Variants in UEVLD observed in about 807,000 individuals in gnomAD.
The protein encoded by UEVLD is ubiquitin-conjugating enzyme E2 variant 3.
UEVLD carries 47 observed loss-of-function variants against 58.6 expected under a neutral mutation model. The observed-to-expected ratio is 0.80, with a 90% CI of 0.63 to 1.02. The LOEUF (loss-of-function observed/expected upper bound fraction) is 1.02. Ranked by LOEUF, UEVLD falls within the 50% of genes least tolerant of loss-of-function variation. The pLI, the probability that UEVLD is intolerant of heterozygous loss-of-function variation, is 0.00. For synonymous variants in UEVLD, 197 were observed against 195.3 expected (o/e 1.01, Z -0.07); for missense variants, 510 against 550.6 (o/e 0.93, Z 0.74).
intron 6 of UEVLD, among the ~76,000 whole-genome samples, chr11:18,562,252 T>C (rs1420754791): frequency 6.6e-6 from 1 of 151,978 alleles, no homozygotes; most frequent in Admixed American, 6.6e-5. Context: ...TAATTTTTAA[T>C]TTTTGTAGGG....
At chr11:18,568,151 AAG>A (rs1852392550) in intron 4 of UEVLD, among the ~76,000 whole-genome samples, 1 of 152,214 alleles carries the variant, frequency 6.6e-6, no homozygotes, top group Non-Finnish European at 1.5e-5. Context: ...GTCTCAAAAA[AAG>A]AGACTAGTTT....
At chr11:18,537,657 A>ATATTATTAT (rs35960383) in intron 9 of UEVLD, among the ~76,000 whole-genome samples, 2 of 150,142 alleles carry the variant, frequency 1.3e-5, no homozygotes, top group Non-Finnish European at 3.0e-5. Context: ...TCACACTTTA[A>ATATTATTAT]TATTATTATT....
chr11:18,557,238 G>A (rs1374599553), intron 7 of UEVLD, among the ~76,000 whole-genome samples: 5 of 151,788 alleles, frequency 3.3e-5, no homozygotes, highest in Non-Finnish European at 7.4e-5. Flanking sequence ...TGCAAACTCC[G>A]CATCCCGGGT....
intron 1 of UEVLD, among the ~76,000 whole-genome samples, chr11:18,585,193 C>T (rs1853482635): frequency 6.6e-6 from 1 of 152,124 alleles, no homozygotes; most frequent in Admixed American, 6.6e-5. Context: ...ACCTGGCTGC[C>T]TCTTCACTTT....
At chr11:18,566,506 A>G in intron 4 of UEVLD, 24 bp from the exon 5 acceptor site, 2 of 1,607,406 alleles carry the variant, frequency 1.2e-6, no homozygotes, top group South Asian at 1.1e-5. Context: ...AAAAAACAGA[A>G]AAGTTACACA....
chr11:18,553,560 T>C (rs1851625932), intron 7 of UEVLD, among the ~76,000 whole-genome samples: 1 of 151,930 alleles, frequency 6.6e-6, no homozygotes, highest in Admixed American at 6.6e-5. Context: ...AAAAAACTGG[T>C]ACATGAATGT....
chr11:18,568,991 T>C (rs1357163725), intron 4 of UEVLD, among the ~76,000 whole-genome samples: 1 of 151,916 alleles, frequency 6.6e-6, no homozygotes, highest in Non-Finnish European at 1.5e-5. Flanking sequence ...ACCTTCTGAG[T>C]TCACACCATT....
At chr11:18,542,895 T>TTTTTTTTTTTTTTTTTTTTTTTTA (rs1851119612) in intron 9 of UEVLD, among the ~76,000 whole-genome samples, 1 of 146,324 alleles carries the variant, frequency 6.8e-6, no homozygotes, top group African/African-American at 2.5e-5. Flanking sequence ...CTTTTCTTTT[T>TTTTTTTTTTTTTTTTTTTTTTTTA]TTTTTTTTTT....
intron 4 of UEVLD, among the ~76,000 whole-genome samples, chr11:18,568,565 C>T (rs1447802494): frequency 1.3e-5 from 2 of 152,104 alleles, no homozygotes; most frequent in African/African-American, 2.4e-5. Context: ...TTTTATTATG[C>T]CCCATTCATC....
At chr11:18,561,528 C>T (rs561245011) in intron 6 of UEVLD, among the ~76,000 whole-genome samples, 3 of 148,382 alleles carry the variant, frequency 2.0e-5, no homozygotes, top group East Asian at 4.0e-4. Flanking sequence ...ACCCGGGAGG[C>T]AGAGGTTGTG....
chr11:18,532,203 C>T lies in UEVLD; in HGVS notation c.*117G>A. 1 of 977,578 alleles carries T rather than the reference C, an allele frequency of 1.0e-6. No homozygotes were observed. Among genetic ancestry groups the T allele is most frequent in the Non-Finnish European group, 1.4e-6 (1 of 695,868 alleles). 60.6% of individuals were successfully genotyped at this position (977,578 alleles called of 1,614,324 possible). Reference sequence around the variant, plus strand: ...TAATCAAGAAACCCTCTACTTTAACCAAGCAGTTTGTAAAAGTAAGTAGCA... The same window carrying T: ...TAATCAAGAAACCCTCTACTTTAACTAAGCAGTTTGTAAAAGTAAGTAGCA... On this transcript the variant is annotated 3_prime_UTR_variant, in exon 12 of 12. Transcript: ENST00000396197.
At chr11:18,583,367 C>T (rs989476832) in intron 1 of UEVLD, among the ~76,000 whole-genome samples, 1 of 151,282 alleles carries the variant, frequency 6.6e-6, no homozygotes, top group African/African-American at 2.4e-5. Flanking sequence ...ATTACAGGCA[C>T]CCGCCACCAT....
At chr11:18,561,102 T>C (rs1336137360) in intron 6 of UEVLD, among the ~76,000 whole-genome samples, 3 of 152,140 alleles carry the variant, frequency 2.0e-5, no homozygotes, top group African/African-American at 2.4e-5. Flanking sequence ...CCAATGCTGC[T>C]AGTTTGAAAG....
At chr11:18,563,686 T>C (rs1852150267) in intron 6 of UEVLD, 1 of 985,336 alleles carries the variant, frequency 1.0e-6, no homozygotes, top group African/African-American at 1.7e-5. Flanking sequence ...GACAAAAGAC[T>C]GAATACAACT....
intron 11 of UEVLD, among the ~76,000 whole-genome samples, chr11:18,533,944 C>A (rs549973225): frequency 6.6e-6 from 1 of 152,222 alleles, no homozygotes; most frequent in Admixed American, 6.5e-5. Context: ...GAGCCACTGC[C>A]CCCAGTCAAA....
At chr11:18,536,317 C>G in intron 10 of UEVLD, 89 bp downstream of exon 10, 2 of 1,242,476 alleles carry the variant, frequency 1.6e-6, no homozygotes, top group Non-Finnish European at 2.3e-6. Context: ...TTTCCAGAAG[C>G]CTGGTTAAGT....
chr11:18,543,751 G>GAGTA (rs1282098729), intron 9 of UEVLD, among the ~76,000 whole-genome samples: 2 of 152,216 alleles, frequency 1.3e-5, no homozygotes, highest in Non-Finnish European at 2.9e-5. Context: ...AACAATAAAA[G>GAGTA]AGTAAGGGAA....
At chr11:18,543,674 T>C (rs1463350613) in intron 9 of UEVLD, among the ~76,000 whole-genome samples, 1 of 152,204 alleles carries the variant, frequency 6.6e-6, no homozygotes, top group East Asian at 1.9e-4. Context: ...CTCATATACT[T>C]AAATGAACAA....
At chr11:18,566,283 G>A in intron 5 of UEVLD, 64 bp downstream of exon 5, 1 of 1,588,672 alleles carries the variant, frequency 6.3e-7, no homozygotes, top group Non-Finnish European at 8.6e-7. Context: ...AGAAAGTAAA[G>A]GAGTTTAGTG....
Sources: allele counts gnomAD v4.1 joint callset (sites outside exome capture counted in the v4.1 genomes callset), GRCh38; gene constraint gnomAD v4.1.1; transcripts MANE v1.5; gene names NCBI Gene and HGNC (gene_info 2026-07-23, HGNC 2026-07-21).